The following CDH7 variants were observed in gnomAD, a reference collection of about 807,000 sequenced individuals.
CDH7 encodes cadherin-7.
In CDH7, 25 loss-of-function variants were observed where a neutral mutation model predicts 71.8. That is an observed-to-expected ratio of 0.35 (90% CI 0.25 to 0.49). The LOEUF (loss-of-function observed/expected upper bound fraction) is 0.49, where lower values mean the gene tolerates loss of function less well. CDH7 is among the 20% of genes least tolerant of loss of function. CDH7 has a pLI of 0.99. For synonymous variants in CDH7, 381 were observed against 363.8 expected (o/e 1.05, Z -0.54); for missense variants, 862 against 974.6 (o/e 0.88, Z 1.54).
chr18:65,850,850 C>T (rs1205388177), intron 7 of CDH7, among the ~76,000 whole-genome samples: 16 of 142,728 alleles, frequency 1.1e-4, no homozygotes, highest in African/African-American at 4.1e-4. Flanking sequence ...CTCAGTCTAT[C>T]GCCCAGGCTG....
chr18:65,852,850 A>G (rs962444138), intron 7 of CDH7, among the ~76,000 whole-genome samples: 1 of 152,196 alleles, frequency 6.6e-6, no homozygotes, highest in Admixed American at 6.6e-5. Context: ...ATTAAGGAAA[A>G]AAGGTAAACT....
intron 11 of CDH7, chr18:65,865,744 G>GT (rs1913733633): frequency 6.6e-6 from 1 of 152,142 alleles, no homozygotes; most frequent in Admixed American, 6.5e-5. Context: ...TTTTCACACA[G>GT]TAAGTGCTGA....
intron 2 of CDH7, among the ~76,000 whole-genome samples, chr18:65,775,171 A>G (rs1909890628): frequency 6.6e-6 from 1 of 152,184 alleles, no homozygotes; most frequent in Admixed American, 6.5e-5. Flanking sequence ...CCTAACACAG[A>G]TGGCATAGAT....
intron 11 of CDH7, among the ~76,000 whole-genome samples, chr18:65,875,872 T>G (rs549827966): frequency 2.0e-5 from 3 of 152,200 alleles, no homozygotes; most frequent in Non-Finnish European, 4.4e-5. Flanking sequence ...GAGGATACAG[T>G]GAGCTGAGAT....
intron 1 of CDH7, among the ~76,000 whole-genome samples, chr18:65,762,432 T>C (rs1916217622): frequency 6.6e-6 from 1 of 152,226 alleles, no homozygotes; most frequent in Non-Finnish European, 1.5e-5. Flanking sequence ...AAGATAGTTC[T>C]GCATCAGCTG....
At chr18:65,764,546 G>T (rs552734886) in intron 2 of CDH7, among the ~76,000 whole-genome samples, 1 of 151,880 alleles carries the variant, frequency 6.6e-6, no homozygotes, top group African/African-American at 2.4e-5. Flanking sequence ...AGGAGTAACC[G>T]TAATGATTAG....
At chr18:65,866,360 T>A (rs1489653216) in intron 11 of CDH7, 2 of 118,212 alleles carry the variant, frequency 1.7e-5, no homozygotes, top group Non-Finnish European at 3.5e-5. Flanking sequence ...AATGAAACTA[T>A]AGAAGTACCT....
At chr18:65,819,440 C>T (rs1043522130) in intron 4 of CDH7, among the ~76,000 whole-genome samples, 1 of 152,092 alleles carries the variant, frequency 6.6e-6, no homozygotes, top group Admixed American at 6.5e-5. Context: ...TGGGCAAAGC[C>T]AAGAACCTCC....
chr18:65,792,601 CT>C (rs1382564065), intron 2 of CDH7, among the ~76,000 whole-genome samples: 1 of 152,054 alleles, frequency 6.6e-6, no homozygotes, highest in Non-Finnish European at 1.5e-5. Flanking sequence ...AGGTTTTCAG[CT>C]TTTTTGCTTT....
chr18:65,784,347 GA>G (rs1368144455), intron 2 of CDH7, among the ~76,000 whole-genome samples: 1 of 152,070 alleles, frequency 6.6e-6, no homozygotes, highest in East Asian at 1.9e-4. Flanking sequence ...GACACCTGGG[GA>G]AAGTGAATTT....
Position 65,882,004 on chromosome 18 carries a change from T to G in CDH7, c.*1110T>G, listed in dbSNP as rs1914245616. On this transcript the variant is annotated 3_prime_UTR_variant, in exon 12 of 12. Coordinates refer to ENST00000397968, the MANE Select transcript of CDH7 (RefSeq NM_004361.5). ...ATTGAGATTTTCTTTGATGCAAGAA[T>G]TATTTTTCAAGATCATGAGTTCTAC... 1 of 148,618 alleles carries G rather than the reference T, an allele frequency of 6.7e-6. No individual in the cohort carries two copies. The highest frequency in any genetic ancestry group is 2.1e-4 in the East Asian group (1 of 4,878). The allele number at this position is 148,618 out of a possible 1,614,324, so 9.2% of individuals were successfully genotyped here. A position where few individuals can be genotyped will look rare whatever the true frequency, so the allele number is the denominator to read the frequency against.
At chr18:65,771,917 C>G (rs549480885) in intron 2 of CDH7, among the ~76,000 whole-genome samples, 1 of 151,992 alleles carries the variant, frequency 6.6e-6, no homozygotes, top group South Asian at 2.1e-4. Flanking sequence ...AAGATAAATG[C>G]GGAAGAGTAA....
chr18:65,870,036 G>A (rs928107040), intron 11 of CDH7, among the ~76,000 whole-genome samples: 2 of 152,118 alleles, frequency 1.3e-5, no homozygotes, highest in African/African-American at 2.4e-5. Context: ...TTTAAATGAT[G>A]TTTGCAGGTT....
Position 65,814,601 on chromosome 18 carries a change from A to T in CDH7, c.622A>T (p.Thr208Ser). Reference protein sequence around the residue: ...GQPYFSVEPKTGVIKTALPNM... With the variant: ...GQPYFSVEPKSGVIKTALPNM... ...GCCGTACTTCTCAGTGGAGCCAAAG[A>T]CAGGTAAAAATTGAAATGTGACATT... The change falls in exon 4 of 12, where the codon ACA becomes TCA. Residue 208 changes from threonine (T) to serine (S), a missense_variant. Thr to Ser is a moderately conservative substitution (Grantham distance 58). Transcript: ENST00000397968. The T allele has an allele frequency of 6.2e-7, 1 of 1,606,384 alleles. No individual in the cohort carries two copies. Among genetic ancestry groups the T allele is most frequent in the South Asian group, 1.1e-5 (1 of 89,570 alleles).
intron 7 of CDH7, among the ~76,000 whole-genome samples, chr18:65,856,783 C>T (rs771292772): frequency 6.6e-6 from 1 of 151,688 alleles, no homozygotes; most frequent in South Asian, 2.1e-4. Flanking sequence ...AGAAAGACTG[C>T]GAGGGGAACC....
intron 2 of CDH7, among the ~76,000 whole-genome samples, chr18:65,776,999 A>T (rs1909971596): frequency 6.6e-6 from 1 of 152,184 alleles, no homozygotes; most frequent in Admixed American, 6.6e-5. Context: ...AGTTTTACTG[A>T]CATGTAGAGG....
intron 11 of CDH7, among the ~76,000 whole-genome samples, chr18:65,864,512 T>A (rs904966992): frequency 6.6e-6 from 1 of 151,964 alleles, no homozygotes; most frequent in Non-Finnish European, 1.5e-5. Flanking sequence ...ATTTAGATTT[T>A]GGAATCTAAA....
intron 7 of CDH7, among the ~76,000 whole-genome samples, chr18:65,851,280 C>G (rs1913141533): frequency 6.6e-6 from 1 of 152,104 alleles, no homozygotes; most frequent in Admixed American, 6.6e-5. Flanking sequence ...CACACACACA[C>G]AAATGCACAT....
chr18:65,851,120 A>AT (rs1390571075), intron 7 of CDH7, among the ~76,000 whole-genome samples: 1 of 152,016 alleles, frequency 6.6e-6, no homozygotes, highest in Non-Finnish European at 1.5e-5. Context: ...ATTTATTTTG[A>AT]AGTTTACTTA....
Sources: allele counts gnomAD v4.1 joint callset (sites outside exome capture counted in the v4.1 genomes callset), GRCh38; gene constraint gnomAD v4.1.1; transcripts MANE v1.5; gene names NCBI Gene and HGNC (gene_info 2026-07-23, HGNC 2026-07-21).